The following CASD1 variants were observed in gnomAD, a reference collection of about 807,000 sequenced individuals.
CASD1 encodes CAS1 domain sialic acid O acetyltransferase 1.
In CASD1, 41 loss-of-function variants were observed where a neutral mutation model predicts 100.0. The ratio of observed to expected loss-of-function variants is 0.41; its 90% confidence interval spans 0.32 to 0.53. CASD1 has a LOEUF of 0.53. Ranked by LOEUF, CASD1 falls within the 20% of genes least tolerant of loss-of-function variation. The pLI is 0.25. For synonymous variants in CASD1, 321 were observed against 315.6 expected, an observed-to-expected ratio of 1.02 and a Z score of -0.18; for missense variants, 774 against 948.7, an observed-to-expected ratio of 0.82 and a Z score of 2.42.
chr7:94,600,468 A>G, the CASD1 span: 2 of 586,046 alleles, frequency 3.4e-6, no homozygotes, highest in Admixed American at 6.2e-5. Context: ...AATTTGATTT[A>G]CTAGACTCAA....
At chr7:94,587,447 G>A in the CASD1 span, 1 of 1,189,180 alleles carries the variant, frequency 8.4e-7, no homozygotes, top group Non-Finnish European at 1.0e-6. Context: ...AGGCGAGATG[G>A]AAGCTACAAG....
the CASD1 span, among the ~76,000 whole-genome samples, chr7:94,606,377 CAAAG>C: frequency 4.1e-4 from 62 of 152,150 alleles, no homozygotes; most frequent in African/African-American, 1.2e-3. Context: ...TTATCAGAGA[CAAAG>C]AAAGGCATTA....
In CASD1 at chr7:94,539,058, TA is replaced by T; in HGVS notation, c.1356+4del. ...TATCACATTTCTGGAGCAAGTACAG[TA>T]AGTATTTGGAATTTAAGTTCAGAAA... On this transcript the variant is annotated splice_donor_region_variant and intron_variant, in intron 10 of 17. Coordinates refer to ENST00000297273, the MANE Select transcript of CASD1 (RefSeq NM_022900.5). 6.4e-7 allele frequency: 1 copy of T among 1,560,874 alleles called. No homozygotes were observed. Among genetic ancestry groups the T allele is most frequent in the Non-Finnish European group, 8.8e-7 (1 of 1,132,808 alleles).
the CASD1 span, among the ~76,000 whole-genome samples, chr7:94,615,644 CTGT>C: frequency 2.0e-5 from 3 of 152,138 alleles, no homozygotes; most frequent in South Asian, 4.1e-4. Context: ...ATAGGATTCT[CTGT>C]TGTTGATTGA....
intron 4 of CASD1, 98 bp from the exon 5 acceptor site, chr7:94,528,090 C>A: frequency 1.2e-6 from 1 of 840,122 alleles, no homozygotes; most frequent in Non-Finnish European, 1.9e-6. Flanking sequence ...TAGTGTTTTA[C>A]TTTTAAGTAC....
chr7:94,563,707 T>C, the CASD1 span, among the ~76,000 whole-genome samples: 1 of 150,116 alleles, frequency 6.7e-6, no homozygotes, highest in Non-Finnish European at 1.5e-5. Flanking sequence ...CTGGCTACCA[T>C]TTTTATCATT....
chr7:94,518,162 G>T (rs1223086899), intron 2 of CASD1, 41 bp from the exon 3 acceptor site: 2 of 1,471,202 alleles, frequency 1.4e-6, no homozygotes, highest in Non-Finnish European at 9.0e-7. Context: ...CAGGATGGCT[G>T]ATTTTACTTA....
the CASD1 span, among the ~76,000 whole-genome samples, chr7:94,568,089 T>C: frequency 6.6e-6 from 1 of 152,142 alleles, no homozygotes; most frequent in Non-Finnish European, 1.5e-5. Flanking sequence ...GGGAGGGTAC[T>C]TTCACCAGAA....
the CASD1 span, among the ~76,000 whole-genome samples, chr7:94,602,614 T>C: frequency 6.6e-6 from 1 of 151,888 alleles, no homozygotes; most frequent in African/African-American, 2.4e-5. Context: ...TTGAAACAAC[T>C]CTCCTGCTTT....
chr7:94,565,263 C>T, the CASD1 span, among the ~76,000 whole-genome samples: 1 of 152,068 alleles, frequency 6.6e-6, no homozygotes, highest in Non-Finnish European at 1.5e-5. Flanking sequence ...ATATTCCCAA[C>T]CCATGTTTCA....
the CASD1 span, among the ~76,000 whole-genome samples, chr7:94,593,897 G>A: frequency 6.6e-6 from 1 of 151,940 alleles, no homozygotes; most frequent in South Asian, 2.1e-4. Flanking sequence ...TGATTATTAA[G>A]CCAGGAATTC....
the CASD1 span, among the ~76,000 whole-genome samples, chr7:94,608,254 T>C: frequency 6.6e-6 from 1 of 152,124 alleles, no homozygotes; most frequent in Non-Finnish European, 1.5e-5. Flanking sequence ...AGCCAGGGGT[T>C]GAACCCAGGA....
At chr7:94,597,954 C>A in the CASD1 span, 1 of 162,602 alleles carries the variant, frequency 6.1e-6, no homozygotes, top group Non-Finnish European at 1.3e-5. Context: ...CTGCAGTGAG[C>A]CAAGATCGCT....
the CASD1 span, chr7:94,597,092 A>G: frequency 6.6e-6 from 1 of 152,168 alleles, no homozygotes; most frequent in Admixed American, 6.5e-5. Context: ...TAGGTGGGCT[A>G]CTGACCACCA....
At chr7:94,527,870 A>G (rs1175101339) in intron 4 of CASD1, among the ~76,000 whole-genome samples, 1 of 152,176 alleles carries the variant, frequency 6.6e-6, no homozygotes, top group East Asian at 1.9e-4. Flanking sequence ...CTTGTTAACA[A>G]CTTACAGGAT....
chr7:94,582,481 C>A, the CASD1 span, among the ~76,000 whole-genome samples: 1 of 152,174 alleles, frequency 6.6e-6, no homozygotes, highest in South Asian at 2.1e-4. Flanking sequence ...ATTGTCTATT[C>A]ATGTCCTTTG....
chr7:94,622,019 G>C, the CASD1 span: 1 of 143,112 alleles, frequency 7.0e-6, no homozygotes, highest in Non-Finnish European at 1.5e-5. Flanking sequence ...TTCACTTAAG[G>C]GGGTTTAAGT....
At chr7:94,600,906 T>C in the CASD1 span, 28 of 1,448,334 alleles carry the variant, frequency 1.9e-5, no homozygotes, top group Non-Finnish European at 2.6e-5. Flanking sequence ...TTGCAAACAT[T>C]ATGAGATTTT....
At chr7:94,612,135 A>G in the CASD1 span, among the ~76,000 whole-genome samples, 5 of 152,182 alleles carry the variant, frequency 3.3e-5, no homozygotes, top group Admixed American at 3.3e-4. Context: ...GTTTCTTACA[A>G]CTGTTAATGG....
Sources: allele counts gnomAD v4.1 joint callset (sites outside exome capture counted in the v4.1 genomes callset), GRCh38; gene constraint gnomAD v4.1.1; transcripts MANE v1.5; gene names NCBI Gene and HGNC (gene_info 2026-07-23, HGNC 2026-07-21).